NECAB1: variants seen among roughly 807,000 people sequenced by gnomAD.
NECAB1 encodes N-terminal EF-hand calcium-binding protein 1.
In NECAB1, 29 loss-of-function variants were observed where a neutral mutation model predicts 57.5. The observed-to-expected ratio is 0.50, with a 90% CI of 0.38 to 0.69. NECAB1 has a LOEUF of 0.69. NECAB1 is among the 30% of genes least tolerant of loss of function. The pLI, the probability that NECAB1 is intolerant of heterozygous loss-of-function variation, is 0.00. For missense variants in NECAB1, 372 were observed against 413.8 expected, an observed-to-expected ratio of 0.90 and a Z score of 0.88; for synonymous variants, 142 against 147.7, an observed-to-expected ratio of 0.96 and a Z score of 0.28.
chr8:90,798,014 G>C (rs1221869885), intron 1 of NECAB1, among the ~76,000 whole-genome samples: 1 of 152,172 alleles, frequency 6.6e-6, no homozygotes, highest in East Asian at 1.9e-4. Context: ...AAATCAAGCT[G>C]CTAGCAGGAT....
intron 5 of NECAB1, among the ~76,000 whole-genome samples, chr8:90,895,804 A>G (rs1809313818): frequency 6.6e-6 from 1 of 152,234 alleles, no homozygotes. Context: ...AGTATTCCAT[A>G]GAGAAGTATT....
intron 2 of NECAB1, among the ~76,000 whole-genome samples, chr8:90,810,495 T>C (rs1811940212): frequency 6.6e-6 from 1 of 152,238 alleles, no homozygotes; most frequent in African/African-American, 2.4e-5. Context: ...TGAGTTCATT[T>C]CCTCATTTTT....
In NECAB1 at chr8:90,801,730, C is replaced by T. The variant is rs781470867; in HGVS notation, c.124+15C>T. On this transcript the variant is annotated intron_variant, in intron 2 of 12. Coordinates refer to ENST00000417640, the MANE Select transcript of NECAB1 (RefSeq NM_022351.5). ...AGACAAAAATGGTAAGACCAAAAAT[C>T]TACAGTATCTATTTATTAATCTCTT... 6.7e-7 allele frequency: 1 copy of T among 1,483,682 alleles called. No individual in the cohort carries two copies. The highest frequency in any genetic ancestry group is 1.3e-5 in the South Asian group (1 of 77,910). The allele number at this position is 1,483,682 out of a possible 1,614,324, so 91.9% of individuals were successfully genotyped here.
chr8:90,809,116 G>A (rs1811908976), intron 2 of NECAB1, among the ~76,000 whole-genome samples: 1 of 152,090 alleles, frequency 6.6e-6, no homozygotes, highest in African/African-American at 2.4e-5. Flanking sequence ...TTTTCTTATT[G>A]TTTGCAAACC....
chr8:90,923,438 AAAGAC>A (rs1810178521), intron 6 of NECAB1, among the ~76,000 whole-genome samples: 1 of 152,220 alleles, frequency 6.6e-6, no homozygotes, highest in African/African-American at 2.4e-5. Context: ...ATCCCAGAGA[AAAGAC>A]TTAACAATGC....
intron 1 of NECAB1, among the ~76,000 whole-genome samples, chr8:90,801,136 T>C (rs1166920681): frequency 1.3e-5 from 2 of 152,228 alleles, no homozygotes. Flanking sequence ...TACATTAATG[T>C]GCACATATGT....
chr8:90,922,802 G>T (rs1810156914), intron 6 of NECAB1, among the ~76,000 whole-genome samples: 1 of 152,024 alleles, frequency 6.6e-6, no homozygotes, highest in African/African-American at 2.4e-5. Context: ...CAAAAACTTG[G>T]ATTTTTTTAT....
chr8:90,813,455 A>G (rs1812002845), intron 2 of NECAB1, among the ~76,000 whole-genome samples: 1 of 152,056 alleles, frequency 6.6e-6, no homozygotes, highest in Non-Finnish European at 1.5e-5. Context: ...CATGTTGATA[A>G]TGTAGAGTCA....
At chr8:90,834,142 G>A (rs1420583447) in intron 3 of NECAB1, among the ~76,000 whole-genome samples, 9 of 107,846 alleles carry the variant, frequency 8.3e-5, no homozygotes, top group South Asian at 3.1e-4. Context: ...TCCAGCCTAA[G>A]AGACAGAGTG....
intron 1 of NECAB1, among the ~76,000 whole-genome samples, chr8:90,800,646 C>T (rs1345042720): frequency 6.6e-6 from 1 of 152,194 alleles, no homozygotes; most frequent in Non-Finnish European, 1.5e-5. Context: ...GGACACAATT[C>T]AACCTACAAT....
intron 3 of NECAB1, among the ~76,000 whole-genome samples, chr8:90,831,628 G>A (rs1339890096): frequency 2.0e-5 from 3 of 152,082 alleles, no homozygotes; most frequent in African/African-American, 4.8e-5. Flanking sequence ...TGACACCCTC[G>A]CCCTTCCTGA....
At chr8:90,894,487 G>A (rs1159376021) in intron 5 of NECAB1, among the ~76,000 whole-genome samples, 9 of 152,162 alleles carry the variant, frequency 5.9e-5, no homozygotes, top group African/African-American at 1.9e-4. Flanking sequence ...GCTAGCATAT[G>A]CCCAAGTTAA....
chr8:90,917,288 T>C (rs914426884), intron 5 of NECAB1, among the ~76,000 whole-genome samples: 1 of 152,112 alleles, frequency 6.6e-6, no homozygotes, highest in Non-Finnish European at 1.5e-5. Flanking sequence ...TTCCAGTCAT[T>C]TCTGCAGCTT....
At position 90,814,175 on chromosome 8, in the gene NECAB1, C is replaced by T. The variant is rs146160172; in HGVS notation, c.125-10542C>T. ...GAGTACTAGGTCTGCTATTTTGTAG[C>T]ATGCACTTCATTTGGGATTTGTCTG... On this transcript the variant is annotated intron_variant, in intron 2 of 12. Coordinates refer to ENST00000417640, the MANE Select transcript of NECAB1 (RefSeq NM_022351.5). 6.6e-5 allele frequency among the ~76,000 whole-genome samples: 10 copies of T among 152,294 alleles called. No individual in the cohort carries two copies. The East Asian group carries it at 1.7e-3, about 26-fold the overall frequency.
intron 3 of NECAB1, among the ~76,000 whole-genome samples, chr8:90,834,203 A>G (rs1294490653): frequency 6.8e-6 from 1 of 147,024 alleles, no homozygotes; most frequent in Non-Finnish European, 1.5e-5. Flanking sequence ...TCAGAATTTT[A>G]GAAATAAATG....
intron 11 of NECAB1, among the ~76,000 whole-genome samples, chr8:90,950,863 C>A (rs901339605): frequency 6.6e-6 from 1 of 152,102 alleles, no homozygotes; most frequent in African/African-American, 2.4e-5. Context: ...ATAAAATCTA[C>A]TTTTTATCCT....
chr8:90,858,878 A>G (rs1812844245), intron 3 of NECAB1, among the ~76,000 whole-genome samples: 2 of 152,194 alleles, frequency 1.3e-5, no homozygotes, highest in East Asian at 1.9e-4. Context: ...TTATCAAAAT[A>G]CAATCTAACT....
chr8:90,835,726 A>G (rs961825212), intron 3 of NECAB1, among the ~76,000 whole-genome samples: 1 of 152,140 alleles, frequency 6.6e-6, no homozygotes, highest in Non-Finnish European at 1.5e-5. Flanking sequence ...TCTTGTCTCC[A>G]AATACAATTG....
intron 4 of NECAB1, among the ~76,000 whole-genome samples, chr8:90,880,736 A>T (rs1230346579): frequency 1.3e-5 from 2 of 152,124 alleles, no homozygotes; most frequent in South Asian, 2.1e-4. Context: ...GTCAAAAATA[A>T]TTTTTTATTG....
Sources: gnomAD v4.1 joint callset for allele counts (sites outside exome capture counted in the v4.1 genomes callset) on GRCh38, gnomAD v4.1.1 for gene constraint, MANE v1.5 for transcripts, NCBI Gene and HGNC (gene_info 2026-07-23, HGNC 2026-07-21) for gene names.